The following FGF10 variants were observed in gnomAD, a reference collection of about 807,000 sequenced individuals.
The protein encoded by FGF10 is FGF-10.
A neutral mutation model predicts 19.8 loss-of-function variants in FGF10; 2 were observed. The ratio of observed to expected loss-of-function variants is 0.10; its 90% CI spans 0.04 to 0.32. The LOEUF (loss-of-function observed/expected upper bound fraction) is 0.32. Ranked by LOEUF, FGF10 falls within the 10% of genes least tolerant of loss-of-function variation. The pLI is 1.00. For synonymous variants in FGF10, 112 were observed against 94.0 expected, an observed-to-expected ratio of 1.19 and a Z score of -1.10; for missense variants, 191 against 246.3, an observed-to-expected ratio of 0.78 and a Z score of 1.50.
At chr5:44,329,343 A>AT (rs758467597) in intron 1 of FGF10, among the ~76,000 whole-genome samples, 4 of 151,968 alleles carry the variant, frequency 2.6e-5, no homozygotes, top group Non-Finnish European at 4.4e-5. Flanking sequence ...CACCTGGCTA[A>AT]TTTTTGTATT....
chr5:44,335,659 G>T (rs1180283080), intron 1 of FGF10, among the ~76,000 whole-genome samples: 2 of 152,006 alleles, frequency 1.3e-5, no homozygotes, highest in Non-Finnish European at 2.9e-5. Flanking sequence ...CACATCCTTT[G>T]TACCAATTCA....
intron 1 of FGF10, among the ~76,000 whole-genome samples, chr5:44,311,750 C>T (rs528018772): frequency 4.6e-5 from 7 of 152,012 alleles, no homozygotes; most frequent in Non-Finnish European, 1.0e-4. Context: ...ATACAAATTC[C>T]CATTGGCTTA....
chr5:44,303,357 G>C lies in FGF10; in HGVS notation c.*1638C>G, dbSNP rs544297982. 1.2e-3 allele frequency among the ~76,000 whole-genome samples: 179 copies of C among 152,182 alleles called. 1 individual carries two copies. Among genetic ancestry groups the C allele is most frequent in the African/African-American group, 4.2e-3 (176 of 41,556 alleles). ...ATTTCCAAAGGTTAAACTTTAGTAA[G>C]ACACATTTAGTGAGTCTTTTTTTTT... On this transcript the variant is annotated 3_prime_UTR_variant, in exon 3 of 3. Transcript: ENST00000264664.
chr5:44,371,526 C>T (rs182071558), intron 1 of FGF10, among the ~76,000 whole-genome samples: 106 of 152,120 alleles, frequency 7.0e-4, no homozygotes, highest in African/African-American at 2.5e-3. Context: ...ATTGGTTTAG[C>T]GCCTATCTTC....
Position 44,388,726 on chromosome 5 carries a change from A to G in FGF10, c.-44T>C. ...ACTGGAAATTGTCTCATCAGAAGGAACATACTGGAAGGGTAAGACCCGATG... is the reference window on the plus strand; with the variant it reads ...ACTGGAAATTGTCTCATCAGAAGGAGCATACTGGAAGGGTAAGACCCGATG... On this transcript the variant is annotated 5_prime_UTR_variant, in exon 1 of 3. Coordinates refer to ENST00000264664, the MANE Select transcript of FGF10 (RefSeq NM_004465.2). 2 of 1,600,468 alleles carry G rather than the reference A, an allele frequency of 1.2e-6. No homozygotes were observed. The highest frequency in any genetic ancestry group is 1.7e-6 in the Non-Finnish European group (2 of 1,168,378).
At chr5:44,329,965 C>G (rs1178213029) in intron 1 of FGF10, among the ~76,000 whole-genome samples, 2 of 152,146 alleles carry the variant, frequency 1.3e-5, no homozygotes, top group South Asian at 4.1e-4. Flanking sequence ...CAAAGCTGGT[C>G]TAGGATAAGC....
At chr5:44,366,127 C>CTTTTTTTTTTT (rs35522683) in intron 1 of FGF10, among the ~76,000 whole-genome samples, 9 of 74,824 alleles carry the variant, frequency 1.2e-4, no homozygotes, top group East Asian at 4.6e-4. Flanking sequence ...CAATTATTTC[C>CTTTTTTTTTTT]TTTTTTTTTT....
chr5:44,311,442 C>G (rs988898406), intron 1 of FGF10, among the ~76,000 whole-genome samples: 1 of 152,050 alleles, frequency 6.6e-6, no homozygotes, highest in African/African-American at 2.4e-5. Context: ...TCGTGATTAG[C>G]ATGTGGCCTC....
At position 44,376,366 on chromosome 5, in the gene FGF10, C is replaced by A. The variant is rs570840431; in HGVS notation, c.325+11992G>T. ...TCGTATATATGCTGTCTGTATGTTT[C>A]TCCTAGTTTGTTTAAAAAACACTTA... On this transcript the variant is annotated intron_variant, in intron 1 of 2. Transcript: ENST00000264664. Among the ~76,000 whole-genome samples, 538 of 151,646 alleles carry A rather than the reference C, an allele frequency of 3.5e-3. 2 individuals carry two copies. Among genetic ancestry groups the A allele is most frequent in the Admixed American group, 5.1e-3 (78 of 15,212 alleles).
At chr5:44,318,979 G>A (rs1045596874) in intron 1 of FGF10, among the ~76,000 whole-genome samples, 1 of 152,134 alleles carries the variant, frequency 6.6e-6, no homozygotes, top group Non-Finnish European at 1.5e-5. Context: ...TCTAGATATT[G>A]TCTGTTTCAT....
At chr5:44,330,761 T>C (rs1740714616) in intron 1 of FGF10, among the ~76,000 whole-genome samples, 1 of 152,194 alleles carries the variant, frequency 6.6e-6, no homozygotes, top group South Asian at 2.1e-4. Context: ...AGAGCATACA[T>C]AGCTTATGTA....
chr5:44,314,913 T>C (rs1740300760), intron 1 of FGF10, among the ~76,000 whole-genome samples: 1 of 152,178 alleles, frequency 6.6e-6, no homozygotes, highest in South Asian at 2.1e-4. Flanking sequence ...ATAAAACTTG[T>C]ATTTAATAGA....
chr5:44,319,979 C>T (rs933985290), intron 1 of FGF10, among the ~76,000 whole-genome samples: 10 of 152,234 alleles, frequency 6.6e-5, no homozygotes, highest in South Asian at 6.2e-4. Flanking sequence ...GCCCATCAGT[C>T]GTTACTGCCT....
At chr5:44,305,576 G>A (rs77540295) in intron 2 of FGF10, among the ~76,000 whole-genome samples, 1 of 152,178 alleles carries the variant, frequency 6.6e-6, no homozygotes, top group East Asian at 1.9e-4. Context: ...GTAATAACCA[G>A]GGGCCCCATG....
At chr5:44,316,920 T>C (rs1360538751) in intron 1 of FGF10, among the ~76,000 whole-genome samples, 3 of 152,186 alleles carry the variant, frequency 2.0e-5, no homozygotes, top group African/African-American at 7.2e-5. Flanking sequence ...TATGGGCTTT[T>C]TCAAAGGGCT....
At chr5:44,363,330 G>C (rs918169161) in intron 1 of FGF10, among the ~76,000 whole-genome samples, 9 of 151,698 alleles carry the variant, frequency 5.9e-5, no homozygotes, top group Admixed American at 2.0e-4. Flanking sequence ...AATGACACCT[G>C]GAAACTTAGA....
chr5:44,366,881 C>A (rs1320603640), intron 1 of FGF10, among the ~76,000 whole-genome samples: 1 of 151,896 alleles, frequency 6.6e-6, no homozygotes, highest in Non-Finnish European at 1.5e-5. Context: ...ATTTCAAGTT[C>A]TGAACTTGGG....
chr5:44,327,702 T>C (rs144585375), intron 1 of FGF10, among the ~76,000 whole-genome samples: 2 of 152,178 alleles, frequency 1.3e-5, no homozygotes, highest in Non-Finnish European at 2.9e-5. Flanking sequence ...AGCTTTCTCA[T>C]CCCTCTTTGC....
At chr5:44,314,976 A>T (rs938686468) in intron 1 of FGF10, among the ~76,000 whole-genome samples, 6 of 152,142 alleles carry the variant, frequency 3.9e-5, no homozygotes, top group Admixed American at 6.6e-5. Context: ...AAATCCTTCT[A>T]TCCACTCCTA....
Sources: gnomAD v4.1 joint callset for allele counts (sites outside exome capture counted in the v4.1 genomes callset) on GRCh38, gnomAD v4.1.1 for gene constraint, MANE v1.5 for transcripts, NCBI Gene and HGNC (gene_info 2026-07-23, HGNC 2026-07-21) for gene names.